HMCN2: variants seen among roughly 807,000 people sequenced by gnomAD.
HMCN2 encodes hemicentin-2.
Under a neutral mutation model 377.5 loss-of-function variants are expected in HMCN2, and 325 were observed. The ratio of observed to expected loss-of-function variants is 0.86; its 90% CI spans 0.79 to 0.94. The LOEUF is 0.94. Ranked by LOEUF, HMCN2 falls within the 40% of genes least tolerant of loss-of-function variation. The pLI is 0.00. For missense variants in HMCN2, 4,543 were observed against 4,725.3 expected (o/e 0.96, Z 1.13); for synonymous variants, 2,007 against 2,046.8 (o/e 0.98, Z 0.53).
In HMCN2 at chr9:130,424,870, T is replaced by TGGG; in HGVS notation, c.13479_13481dup (p.Gly4494dup). Reference sequence around the variant, plus strand: ...AAGCCCTGAATGGCCACTCTCTGACTGGGGGCAGGTTCCGGCAGGAGTCAC... The same window carrying TGGG: ...AAGCCCTGAATGGCCACTCTCTGACTGGGGGGGGCAGGTTCCGGCAGGAGTCAC... On this transcript the variant is annotated inframe_insertion, in exon 88 of 98. Transcript: ENST00000683500. 1 of 1,464,006 alleles carries TGGG rather than the reference T, an allele frequency of 6.8e-7. No individual in the cohort carries two copies. Among genetic ancestry groups the TGGG allele is most frequent in the South Asian group, 1.4e-5 (1 of 70,332 alleles). The allele number at this position is 1,464,006 out of a possible 1,614,324, so 90.7% of individuals were successfully genotyped here. A position where few individuals can be genotyped will look rare whatever the true frequency, so the allele number is the denominator to read the frequency against.
In HMCN2 at chr9:130,354,972, A is replaced by G; in HGVS notation, c.5074A>G (p.Ser1692Gly). 2.3e-6 allele frequency: 3 copies of G among 1,300,770 alleles called. No homozygotes were observed. The highest frequency in any genetic ancestry group is 2.0e-6 in the Non-Finnish European group (2 of 988,902). 80.6% of individuals were successfully genotyped at this position (1,300,770 alleles called of 1,614,324 possible). The change falls in exon 32 of 98, where the codon AGT becomes GGT. Residue 1692 changes from serine to glycine, a missense_variant. Transcript: ENST00000683500. ...LRLESPGEASSGLYSCVASSP... is the reference protein window; with the variant it reads ...LRLESPGEASGGLYSCVASSP... ...GCTGGAGAGCCCGGGGGAGGCATCC[A>G]GTGGCCTGTACAGCTGTGTGGCCAG...
At position 130,335,532 on chromosome 9, in the gene HMCN2, A is replaced by C. The variant is rs905932625; in HGVS notation, c.3360-2362A>C. On this transcript the variant is annotated intron_variant, in intron 22 of 97. Coordinates refer to ENST00000683500, the MANE Select transcript of HMCN2 (RefSeq NM_001291815.2). ...ATTGAAGACTGCGGAGAGGTCCCAG[A>C]CATTGGCTGGGGATTTGTGTCACAC... Among the ~76,000 whole-genome samples, 18 of 152,238 alleles carry C rather than the reference A, an allele frequency of 1.2e-4. 1 individual carries two copies. Among genetic ancestry groups the C allele is most frequent in the Admixed American group, 3.3e-4 (5 of 15,286 alleles).
At chr9:130,384,952 T>A (rs763936875) in intron 59 of HMCN2, among the ~76,000 whole-genome samples, 154 bp downstream of exon 59, 152 of 152,048 alleles carry the variant, frequency 1.0e-3, no homozygotes, top group Non-Finnish European at 1.9e-3. Flanking sequence ...GGGGGAGCAG[T>A]GGGACGGGCC....
chr9:130,424,169 A>ATT (rs57296543), intron 87 of HMCN2, among the ~76,000 whole-genome samples: 1,915 of 68,448 alleles, frequency 0.028, 55 homozygotes, highest in African/African-American at 0.088. Flanking sequence ...ATATATATAT[A>ATT]TTTTTTTTTT....
chr9:130,383,677 TC>T, intron 57 of HMCN2, 77 bp downstream of exon 57: 2 of 624,348 alleles, frequency 3.2e-6, no homozygotes, highest in Non-Finnish European at 4.0e-6. Flanking sequence ...GCTTCCAGTA[TC>T]CTGGGCTCTG....
rs148144120 is a variant in HMCN2, at chr9:130,397,033, T to A, written c.11199-495T>A. Among the ~76,000 whole-genome samples, 382 of 152,356 alleles carry A rather than the reference T, an allele frequency of 2.5e-3. 2 individuals carry two copies. Among genetic ancestry groups the A allele is most frequent in the African/African-American group, 8.9e-3 (370 of 41,588 alleles). Reference sequence around the variant, plus strand: ...GACCTTGGCCTCACAGATGCAAGACTCTGACCTCCAAAGTTAGCATCTGTA... The same window carrying A: ...GACCTTGGCCTCACAGATGCAAGACACTGACCTCCAAAGTTAGCATCTGTA... On this transcript the variant is annotated intron_variant, in intron 73 of 97. Coordinates refer to ENST00000683500, the MANE Select transcript of HMCN2 (RefSeq NM_001291815.2).
chr9:130,432,406 G>A (rs751811663), intron 96 of HMCN2, 23 bp from the exon 97 acceptor site: 55 of 1,550,434 alleles, frequency 3.5e-5, no homozygotes, highest in East Asian at 4.9e-5. Context: ...TCCCTCCCCC[G>A]CTTCACCAAC....
chr9:130,297,823 A>G (rs1467062237), intron 7 of HMCN2, among the ~76,000 whole-genome samples: 1 of 152,218 alleles, frequency 6.6e-6, no homozygotes, highest in Non-Finnish European at 1.5e-5. Flanking sequence ...TCTACTGTTA[A>G]GCCAGGAGAG....
intron 6 of HMCN2, among the ~76,000 whole-genome samples, chr9:130,296,072 C>T (rs1554931962): frequency 6.6e-6 from 1 of 152,172 alleles, no homozygotes; most frequent in Non-Finnish European, 1.5e-5. Context: ...GTAAAAGAAG[C>T]AACAGCAACT....
chr9:130,323,579 G>A (rs1016917869), intron 19 of HMCN2, among the ~76,000 whole-genome samples: 8 of 152,326 alleles, frequency 5.3e-5, no homozygotes, highest in Non-Finnish European at 8.8e-5. Context: ...ATGAATCAGC[G>A]CAGCTGGTTC....
chr9:130,380,210 A>C (rs10793965), intron 54 of HMCN2, among the ~76,000 whole-genome samples: 1 of 152,094 alleles, frequency 6.6e-6, no homozygotes, highest in Admixed American at 6.5e-5. Flanking sequence ...CCACCTTAAG[A>C]GGTATTTGTT....
chr9:130,314,076 A>G (rs1837415611), intron 15 of HMCN2, among the ~76,000 whole-genome samples: 3 of 152,204 alleles, frequency 2.0e-5, no homozygotes, highest in African/African-American at 7.2e-5. Flanking sequence ...CAGTGCTCCC[A>G]GACTAAATGG....
chr9:130,427,566 C>T lies in HMCN2; in HGVS notation c.14012C>T (p.Ser4671Phe). ...TGCCTTAATGCACCCGGCCGCTTCT[C>T]CTGCACCTGCCCCACTGGCTTCGCC... Reference protein sequence around the residue: ...HACLNAPGRFSCTCPTGFALA... With the variant: ...HACLNAPGRFFCTCPTGFALA... The change falls in exon 92 of 98, where the codon TCC (serine) becomes TTC (phenylalanine). Residue 4671 changes from serine to phenylalanine, a missense_variant. Transcript: ENST00000683500. 4 of 1,550,526 alleles carry T rather than the reference C, an allele frequency of 2.6e-6. No individual in the cohort carries two copies. Among genetic ancestry groups the T allele is most frequent in the Non-Finnish European group, 3.5e-6 (4 of 1,146,980 alleles).
intron 11 of HMCN2, among the ~76,000 whole-genome samples, chr9:130,305,467 G>T (rs117473523): frequency 0.015 from 2,286 of 152,302 alleles, 25 homozygotes; most frequent in Non-Finnish European, 0.022. Context: ...TAAGAACCCA[G>T]AATCTGGACA....
In HMCN2 at chr9:130,349,559, C is replaced by A. The variant is rs1031233582; in HGVS notation, c.4326C>A (p.Ala1442=). The A allele has an allele frequency of 1.5e-6, 2 of 1,303,294 alleles. No individual in the cohort carries two copies. The highest frequency in any genetic ancestry group is 2.5e-5 in the South Asian group (2 of 80,976). The allele number at this position is 1,303,294 out of a possible 1,614,324, so 80.7% of individuals were successfully genotyped here. A position where few individuals can be genotyped will look rare whatever the true frequency, so the allele number is the denominator to read the frequency against. Residue 1442 remains alanine (A), a synonymous_variant, in exon 29 of 98, where the codon GCC becomes GCA. Transcript: ENST00000683500. ...LVLTPPSVLG[A]GAAQEVLGLA... Reference sequence around the variant, plus strand: ...CAGCCCCTCCTTCCGTGCTTGGAGCCGGGGCCGCTCAGGAGGTGCTAGGAT... The same window carrying A: ...CAGCCCCTCCTTCCGTGCTTGGAGCAGGGGCCGCTCAGGAGGTGCTAGGAT...
chr9:130,279,797 G>A (rs1291621196), intron 1 of HMCN2, among the ~76,000 whole-genome samples: 1 of 152,234 alleles, frequency 6.6e-6, no homozygotes, highest in African/African-American at 2.4e-5. Flanking sequence ...CACAGAACCT[G>A]CAAATGTGTG....
intron 8 of HMCN2, among the ~76,000 whole-genome samples, chr9:130,299,490 C>T (rs1554933527): frequency 1.3e-5 from 2 of 152,120 alleles, no homozygotes; most frequent in Non-Finnish European, 2.9e-5. Context: ...GGATTTAGAA[C>T]AAAGTCATCA....
At chr9:130,276,970 G>T (rs1232971546) in intron 1 of HMCN2, among the ~76,000 whole-genome samples, 1 of 152,198 alleles carries the variant, frequency 6.6e-6, no homozygotes, top group Admixed American at 6.5e-5. Context: ...GGCAAGACAG[G>T]CCCCAGGAAG....
intron 15 of HMCN2, among the ~76,000 whole-genome samples, chr9:130,314,166 G>A (rs1332762231): frequency 1.3e-5 from 2 of 152,106 alleles, no homozygotes; most frequent in Non-Finnish European, 2.9e-5. Context: ...GCCGGGGGCC[G>A]AGCTGGGGAA....
Sources: allele counts gnomAD v4.1 joint callset (sites outside exome capture counted in the v4.1 genomes callset), GRCh38; gene constraint gnomAD v4.1.1; transcripts MANE v1.5; gene names NCBI Gene and HGNC (gene_info 2026-07-23, HGNC 2026-07-21).